The following CCPG1 variants were observed in gnomAD, a reference collection of about 807,000 sequenced individuals.
CCPG1 encodes cell cycle progression protein 1.
CCPG1 carries 46 observed loss-of-function variants against 81.3 expected under a neutral mutation model. The observed-to-expected ratio is 0.57, with a 90% CI of 0.45 to 0.72. The LOEUF is 0.72. Ranked by LOEUF, CCPG1 falls within the 30% of genes least tolerant of loss-of-function variation. CCPG1 has a pLI of 0.00. For missense variants in CCPG1, 902 were observed against 937.6 expected (o/e 0.96, Z 0.50); for synonymous variants, 330 against 305.2 (o/e 1.08, Z -0.85).
chr15:55,366,097 T>C (rs2056321651), intron 6 of CCPG1, among the ~76,000 whole-genome samples: 1 of 152,180 alleles, frequency 6.6e-6, no homozygotes, highest in Non-Finnish European at 1.5e-5. Context: ...GTTCACTATC[T>C]TTTGTATTAA....
chr15:55,405,687 C>T (rs2057204845), intron 1 of CCPG1, among the ~76,000 whole-genome samples: 1 of 152,166 alleles, frequency 6.6e-6, no homozygotes, highest in Non-Finnish European at 1.5e-5. Context: ...GGTGACAGAG[C>T]AAGACATCAT....
At chr15:55,358,304 C>T (rs2056123428) in intron 8 of CCPG1, 2 of 862,042 alleles carry the variant, frequency 2.3e-6, no homozygotes, top group Non-Finnish European at 2.8e-6. Context: ...ATGTTCTATC[C>T]CTGGTTTCCA....
chr15:55,389,341 T>C (rs1235166276), intron 2 of CCPG1, 24 bp downstream of exon 2: 1 of 1,484,050 alleles, frequency 6.7e-7, no homozygotes, highest in South Asian at 1.1e-5. Flanking sequence ...CAAATTACCT[T>C]ATAAAAAGTA....
At chr15:55,367,062 G>T (rs754489087) in intron 6 of CCPG1, among the ~76,000 whole-genome samples, 16 of 152,220 alleles carry the variant, frequency 1.1e-4, no homozygotes, top group South Asian at 2.1e-4. Context: ...AACAACTTTT[G>T]CCAATTTACA....
At chr15:55,363,282 GA>G (rs2056243528) in intron 7 of CCPG1, among the ~76,000 whole-genome samples, 1 of 149,456 alleles carries the variant, frequency 6.7e-6, no homozygotes, top group South Asian at 2.1e-4. Context: ...CCAGGAGGCA[GA>G]GGTTCCAGTG....
intron 1 of CCPG1, among the ~76,000 whole-genome samples, chr15:55,399,342 G>T (rs143181273): frequency 8.3e-5 from 12 of 144,412 alleles, no homozygotes; most frequent in African/African-American, 2.6e-4. Context: ...ATATTAAAAA[G>T]ATCAACTGTC....
intron 6 of CCPG1, among the ~76,000 whole-genome samples, chr15:55,365,969 T>C (rs1047696379): frequency 1.3e-5 from 2 of 151,868 alleles, no homozygotes; most frequent in Non-Finnish European, 2.9e-5. Flanking sequence ...GAAAAGTAAA[T>C]GAAAGCCCAT....
intron 1 of CCPG1, among the ~76,000 whole-genome samples, chr15:55,405,613 G>A (rs998908124): frequency 1.3e-5 from 2 of 152,174 alleles, no homozygotes; most frequent in Non-Finnish European, 2.9e-5. Flanking sequence ...GGGAGGCTGT[G>A]TTGGGATCAC....
At chr15:55,358,330 C>CT in intron 8 of CCPG1, 1 of 972,762 alleles carries the variant, frequency 1.0e-6, no homozygotes, top group Non-Finnish European at 1.2e-6. Flanking sequence ...CACTGGGGGT[C>CT]TTGGAACATA....
At chr15:55,388,149 G>C (rs2056841626) in intron 2 of CCPG1, among the ~76,000 whole-genome samples, 1 of 151,688 alleles carries the variant, frequency 6.6e-6, no homozygotes, top group Non-Finnish European at 1.5e-5. Flanking sequence ...TGGACAACAA[G>C]AGCAAAACTC....
At chr15:55,391,894 G>A (rs1314492452) in intron 1 of CCPG1, among the ~76,000 whole-genome samples, 1 of 114,496 alleles carries the variant, frequency 8.7e-6, no homozygotes, top group African/African-American at 2.8e-5. Flanking sequence ...AAAAGGGGGG[G>A]GGGGGCTAGG....
intron 8 of CCPG1, chr15:55,357,030 C>T: frequency 1.0e-6 from 1 of 985,548 alleles, no homozygotes; most frequent in Non-Finnish European, 1.2e-6. Flanking sequence ...CCACTCCTGT[C>T]CTTAGCCTTC....
At chr15:55,369,547 A>G (rs1417441251) in intron 6 of CCPG1, among the ~76,000 whole-genome samples, 4 of 152,184 alleles carry the variant, frequency 2.6e-5, no homozygotes, top group Non-Finnish European at 4.4e-5. Flanking sequence ...AAAAAAAAAA[A>G]AGTGATGTCT....
At chr15:55,375,123 T>A (rs1333563513) in intron 5 of CCPG1, among the ~76,000 whole-genome samples, 3 of 152,134 alleles carry the variant, frequency 2.0e-5, no homozygotes, top group African/African-American at 7.2e-5. Flanking sequence ...TCCACAAAAA[T>A]CTCAAGAAGT....
intron 1 of CCPG1, among the ~76,000 whole-genome samples, chr15:55,396,615 T>C (rs1204742752): frequency 1.3e-5 from 2 of 152,232 alleles, no homozygotes; most frequent in East Asian, 3.8e-4. Flanking sequence ...TCAAAAACCT[T>C]AGACTTATGT....
chr15:55,406,436 C>CTTTTTTTTTTTTTTTTTTTTTTTTTT (rs143238270), intron 1 of CCPG1, among the ~76,000 whole-genome samples: 146 of 126,232 alleles, frequency 1.2e-3, no homozygotes, highest in Non-Finnish European at 1.6e-3. Flanking sequence ...TTCTTTTTCT[C>CTTTTTTTTTTTTTTTTTTTTTTTTTT]TTTTTTTTTT....
At chr15:55,371,733 C>T in intron 6 of CCPG1, 60 bp downstream of exon 6, 2 of 1,529,154 alleles carry the variant, frequency 1.3e-6, no homozygotes, top group Non-Finnish European at 1.8e-6. Context: ...AGAGTCCTCA[C>T]TCTTAAGTTC....
In CCPG1 at chr15:55,382,965, C is replaced by T. The variant is rs77058696; in HGVS notation, c.175+2635G>A. 7.8e-3 allele frequency among the ~76,000 whole-genome samples: 1,195 copies of T among 152,314 alleles called. 13 individuals carry two copies. Among genetic ancestry groups the T allele is most frequent in the African/African-American group, 0.024 (1,004 of 41,572 alleles). The stretch of plus-strand genomic sequence containing the variant: ...TATTTTGACCTTTTCCCACAAATCA[C>T]AATTGTTCTTAAAGGCATCTAGAAT... On this transcript the variant is annotated intron_variant, in intron 3 of 8. Coordinates refer to ENST00000442196, the MANE Select transcript of CCPG1 (RefSeq NM_001204450.2).
At chr15:55,368,822 A>T (rs1448103034) in intron 6 of CCPG1, among the ~76,000 whole-genome samples, 1 of 152,230 alleles carries the variant, frequency 6.6e-6, no homozygotes, top group African/African-American at 2.4e-5. Context: ...TTAAATTATT[A>T]TAAAGCGGGC....
Sources: allele counts gnomAD v4.1 joint callset (sites outside exome capture counted in the v4.1 genomes callset), GRCh38; gene constraint gnomAD v4.1.1; transcripts MANE v1.5; gene names NCBI Gene and HGNC (gene_info 2026-07-23, HGNC 2026-07-21).